RABL6: variants seen among roughly 807,000 people sequenced by gnomAD.
RABL6 encodes the protein rab-like protein 6.
In RABL6, 28 loss-of-function variants were observed where a neutral mutation model predicts 72.9. The ratio of observed to expected loss-of-function variants is 0.38; its 90% confidence interval spans 0.28 to 0.53. RABL6 has a LOEUF of 0.53. Ranked by LOEUF, RABL6 falls within the 20% of genes least tolerant of loss-of-function variation. RABL6 has a pLI of 0.80. For missense variants in RABL6, 1,029 were observed against 1,008.4 expected, an observed-to-expected ratio of 1.02 and a Z score of -0.28; for synonymous variants, 477 against 421.2, an observed-to-expected ratio of 1.13 and a Z score of -1.62.
intron 1 of RABL6, chr9:136,821,474 T>C: frequency 2.0e-6 from 2 of 985,288 alleles, no homozygotes; most frequent in Non-Finnish European, 2.4e-6. Context: ...CGGACGTGGA[T>C]GGCGCCGCCG....
chr9:136,822,206 T>G (rs1028504784), intron 1 of RABL6: 4 of 838,134 alleles, frequency 4.8e-6, no homozygotes, highest in Non-Finnish European at 6.4e-6. Context: ...GGGGGGGCGT[T>G]GCGGGAGTGA....
At chr9:136,834,034 C>T (rs952450325) in intron 7 of RABL6, 40 of 1,469,114 alleles carry the variant, frequency 2.7e-5, no homozygotes, top group Middle Eastern at 3.6e-4. Context: ...GAGCTGGAAG[C>T]GTAGGGCTGA....
chr9:136,808,337 CG>C lies in RABL6; in HGVS notation c.130+14del. ...GGGTGCAGTACAACAGTGAGTGCGG[CG>C]GGCCGGGGGGGCGCGGGAGCGCCGC... On this transcript the variant is annotated intron_variant, in intron 1 of 14. Coordinates refer to ENST00000311502, the MANE Select transcript of RABL6 (RefSeq NM_024718.5). The C allele has an allele frequency of 6.6e-7, 1 of 1,511,008 alleles. No individual in the cohort carries two copies. The highest frequency in any genetic ancestry group is 1.3e-5 in the South Asian group (1 of 79,172). The allele number at this position is 1,511,008 out of a possible 1,614,324, so 93.6% of individuals were successfully genotyped here.
chr9:136,828,620 C>T, intron 4 of RABL6, 74 bp downstream of exon 4: 1 of 1,521,384 alleles, frequency 6.6e-7, no homozygotes, highest in Non-Finnish European at 9.1e-7. Flanking sequence ...CAGCGCTTCA[C>T]ACGCTTTTGA....
chr9:136,820,360 C>T (rs1848211753), intron 1 of RABL6, among the ~76,000 whole-genome samples: 1 of 152,014 alleles, frequency 6.6e-6, no homozygotes, highest in African/African-American at 2.4e-5. Flanking sequence ...CAGTGAGACC[C>T]TGTTTGTAAA....
chr9:136,833,918 T>C, intron 7 of RABL6: 1 of 1,550,186 alleles, frequency 6.5e-7, no homozygotes, highest in Non-Finnish European at 8.7e-7. Context: ...GGTTGATTAC[T>C]CCTTAGAGAG....
At chr9:136,809,979 GCTGT>G (rs761086570) in intron 1 of RABL6, 13 of 152,418 alleles carry the variant, frequency 8.5e-5, no homozygotes, top group Non-Finnish European at 1.3e-4. Context: ...TTAATGCTTG[GCTGT>G]CTGGTAAGGA....
chr9:136,828,947 G>A (rs913355531), intron 4 of RABL6, among the ~76,000 whole-genome samples: 2 of 152,202 alleles, frequency 1.3e-5, no homozygotes, highest in African/African-American at 4.8e-5. Flanking sequence ...CCAGGGCCTC[G>A]CACTCTCCGT....
chr9:136,839,281 C>T lies in RABL6; in HGVS notation c.1553C>T (p.Pro518Leu), dbSNP rs144926317. 1,046 of 1,610,084 alleles carry T rather than the reference C, an allele frequency of 6.5e-4. 6 individuals carry two copies. In the African/African-American group the frequency reaches 0.012, roughly 18 times the overall value. ...ACAGCTCCCACGAGGACCGCAGCAC[C>T]CCCCTGGCCAGGCGGTGTCTCTGTT... ...RGTAPTRTAA[P>L]PWPGGVSVRT... Residue 518 changes from proline to leucine, a missense_variant, in exon 12 of 15, where the codon CCC becomes CTC. By Grantham distance (98) the Pro-to-Leu change is moderately conservative. This residue lies in a region of RABL6 where 595 missense variants were observed against 472.4 expected (regional missense o/e 1.26). Transcript: ENST00000311502.
At chr9:136,829,196 C>T (rs548747676) in intron 4 of RABL6, among the ~76,000 whole-genome samples, 197 bp from the exon 5 acceptor site, 12 of 152,354 alleles carry the variant, frequency 7.9e-5, no homozygotes, top group African/African-American at 1.9e-4. Context: ...GAGCCATCAG[C>T]GAGGCTGGTG....
chr9:136,812,710 G>A (rs1564357814), intron 1 of RABL6: 1 of 283,008 alleles, frequency 3.5e-6, no homozygotes, highest in East Asian at 8.9e-5. Flanking sequence ...CTCTGTCATT[G>A]ATCAGGTAAC....
At chr9:136,832,591 A>C in intron 7 of RABL6, 1 of 610,908 alleles carries the variant, frequency 1.6e-6, no homozygotes, top group East Asian at 2.9e-5. Flanking sequence ...GAGCCCCTCC[A>C]CCTCTGCGGG....
chr9:136,834,816 A>G (rs1158718755), intron 7 of RABL6, among the ~76,000 whole-genome samples: 8 of 150,892 alleles, frequency 5.3e-5, no homozygotes, highest in East Asian at 2.0e-4. Flanking sequence ...GGCTGGGCGC[A>G]GTGGCTCACG....
chr9:136,815,176 C>T (rs2131160681), intron 1 of RABL6: 1 of 331,264 alleles, frequency 3.0e-6, no homozygotes, highest in Non-Finnish European at 5.9e-6. Context: ...TCTTGGCGTT[C>T]TTGCCGTTCT....
chr9:136,840,789 C>T lies in RABL6; in HGVS notation c.*267C>T, dbSNP rs540682123. 3 of 1,547,752 alleles carry T rather than the reference C, an allele frequency of 1.9e-6. No individual in the cohort carries two copies. Among genetic ancestry groups the T allele is most frequent in the Non-Finnish European group, 2.6e-6 (3 of 1,146,812 alleles). On this transcript the variant is annotated 3_prime_UTR_variant, in exon 15 of 15. Transcript: ENST00000311502. ...ACACCCTGGCCCTCTCGGGGCAGAG[C>T]CGCCAGTGTTTCTCAGGGATGTGAC...
rs139714870 is a variant in RABL6, at chr9:136,835,539, C to A, written c.706-203C>A. On this transcript the variant is annotated intron_variant, in intron 7 of 14. Transcript: ENST00000311502. ...TGCTGGCAGTGTGTAGGTGTCGTGC[C>A]GGCCACCGCAGAGGAATCCTCTGGG... 1.6e-3 allele frequency: 837 copies of A among 537,254 alleles called. 9 individuals are homozygous for A. The highest frequency in any genetic ancestry group is 0.014 in the African/African-American group (758 of 52,458). 33.3% of individuals were successfully genotyped at this position (537,254 alleles called of 1,614,324 possible).
At chr9:136,828,155 A>G in intron 3 of RABL6, 2 of 248,552 alleles carry the variant, frequency 8.0e-6, no homozygotes, top group South Asian at 6.7e-5. Flanking sequence ...GACTTGGGGG[A>G]GCTGGGGGGA....
chr9:136,824,814 C>G (rs1201591335), intron 2 of RABL6, among the ~76,000 whole-genome samples: 2 of 152,190 alleles, frequency 1.3e-5, no homozygotes, highest in East Asian at 3.8e-4. Flanking sequence ...TGGTGCTGGG[C>G]TGACAGGACA....
chr9:136,810,852 AT>A (rs757212022), intron 1 of RABL6, among the ~76,000 whole-genome samples: 7 of 152,008 alleles, frequency 4.6e-5, no homozygotes, highest in South Asian at 4.1e-4. Flanking sequence ...TCTGGTATTT[AT>A]TTTCTCAAAT....
Sources: gnomAD v4.1 joint callset for allele counts (sites outside exome capture counted in the v4.1 genomes callset) on GRCh38, gnomAD v4.1.1 for gene constraint, gnomAD v4.1.1 regional missense constraint, MANE v1.5 for transcripts, NCBI Gene and HGNC (gene_info 2026-07-23, HGNC 2026-07-21) for gene names.